The following QTMAN variants were observed in gnomAD, a reference collection of about 807,000 sequenced individuals.
The protein encoded by QTMAN is tRNA-queuosine alpha-mannosyltransferase.
At chr2:144,201,564 C>T in the QTMAN span, among the ~76,000 whole-genome samples, 1 of 152,204 alleles carries the variant, frequency 6.6e-6, no homozygotes, top group Non-Finnish European at 1.5e-5. Context: ...GATATAGGCA[C>T]TAAGCTTTCT....
chr2:144,275,298 C>T, the QTMAN span, among the ~76,000 whole-genome samples: 7 of 151,588 alleles, frequency 4.6e-5, no homozygotes, highest in African/African-American at 1.5e-4. Context: ...GCAGGGGAAT[C>T]GCTTGAACCC....
the QTMAN span, among the ~76,000 whole-genome samples, chr2:144,001,327 T>G: frequency 6.6e-6 from 1 of 151,954 alleles, no homozygotes; most frequent in Non-Finnish European, 1.5e-5. Context: ...TTCAATCTTA[T>G]GGTACATGTT....
At chr2:144,253,401 A>G in the QTMAN span, among the ~76,000 whole-genome samples, 1 of 152,168 alleles carries the variant, frequency 6.6e-6, no homozygotes, top group African/African-American at 2.4e-5. Context: ...TTGGGTAACA[A>G]GCAGAGGTTG....
the QTMAN span, among the ~76,000 whole-genome samples, chr2:144,281,408 A>AC: frequency 6.6e-6 from 1 of 151,234 alleles, no homozygotes; most frequent in African/African-American, 2.4e-5. Flanking sequence ...AAAAAAAAAA[A>AC]AAAAAAAAAA....
At chr2:144,023,490 C>G in the QTMAN span, among the ~76,000 whole-genome samples, 1 of 152,186 alleles carries the variant, frequency 6.6e-6, no homozygotes, top group Non-Finnish European at 1.5e-5. Context: ...CTCTTCTGAG[C>G]TTTAAAAAAA....
At chr2:143,995,613 G>T in the QTMAN span, among the ~76,000 whole-genome samples, 1 of 152,156 alleles carries the variant, frequency 6.6e-6, no homozygotes, top group African/African-American at 2.4e-5. Flanking sequence ...GCTGGTAACT[G>T]TGACAGCCAG....
At chr2:144,126,394 G>C in the QTMAN span, among the ~76,000 whole-genome samples, 1 of 151,826 alleles carries the variant, frequency 6.6e-6, no homozygotes, top group African/African-American at 2.4e-5. Context: ...AGCTCTCCAG[G>C]TGATTATGAT....
chr2:144,046,941 T>C, the QTMAN span, among the ~76,000 whole-genome samples: 2 of 152,338 alleles, frequency 1.3e-5, no homozygotes, highest in East Asian at 1.9e-4. Flanking sequence ...CATTAGCTAA[T>C]TGAACACTAA....
chr2:144,245,373 T>C, the QTMAN span, among the ~76,000 whole-genome samples: 1 of 152,224 alleles, frequency 6.6e-6, no homozygotes, highest in Non-Finnish European at 1.5e-5. Flanking sequence ...ATCATTCATC[T>C]TGGTGAAAAG....
At chr2:144,021,533 C>T in the QTMAN span, among the ~76,000 whole-genome samples, 2 of 151,930 alleles carry the variant, frequency 1.3e-5, no homozygotes, top group Non-Finnish European at 2.9e-5. Context: ...CAAACGGGAG[C>T]AAGAGAATTG....
the QTMAN span, chr2:143,957,322 T>G: frequency 6.3e-7 from 1 of 1,588,310 alleles, no homozygotes; most frequent in Admixed American, 1.9e-5. Context: ...AATGCCTTTT[T>G]GGCCTCTGAA....
chr2:144,139,892 C>G, the QTMAN span, among the ~76,000 whole-genome samples: 1 of 151,790 alleles, frequency 6.6e-6, no homozygotes, highest in Admixed American at 6.6e-5. Context: ...GCTTTGTTTT[C>G]AGTTAAATTC....
At chr2:144,092,143 G>A in the QTMAN span, among the ~76,000 whole-genome samples, 1 of 151,498 alleles carries the variant, frequency 6.6e-6, no homozygotes, top group African/African-American at 2.4e-5. Flanking sequence ...TTACACAGGT[G>A]TATACATACG....
the QTMAN span, among the ~76,000 whole-genome samples, chr2:144,057,161 A>G: frequency 6.6e-6 from 1 of 152,214 alleles, no homozygotes; most frequent in African/African-American, 2.4e-5. Context: ...AAAAAGATAA[A>G]ATGTGTGTAT....
At chr2:144,165,073 G>C in the QTMAN span, among the ~76,000 whole-genome samples, 973 of 152,124 alleles carry the variant, frequency 6.4e-3, 3 homozygotes, top group Middle Eastern at 0.037. Context: ...TCAAAATTAA[G>C]CAAGTTAGGG....
the QTMAN span, among the ~76,000 whole-genome samples, chr2:144,059,588 T>A: frequency 6.6e-6 from 1 of 152,224 alleles, no homozygotes; most frequent in Non-Finnish European, 1.5e-5. Context: ...TATAGACTAC[T>A]GCCAGAGCCT....
the QTMAN span, among the ~76,000 whole-genome samples, chr2:144,264,864 G>A: frequency 6.6e-6 from 1 of 152,210 alleles, no homozygotes; most frequent in Non-Finnish European, 1.5e-5. Flanking sequence ...TGGTCTTCCA[G>A]TAATGTGACT....
At chr2:144,153,535 G>A in the QTMAN span, among the ~76,000 whole-genome samples, 2 of 151,786 alleles carry the variant, frequency 1.3e-5, no homozygotes, top group East Asian at 1.9e-4. Context: ...CTAAAAATAC[G>A]AAAAAATTTG....
At chr2:144,212,982 T>C in the QTMAN span, among the ~76,000 whole-genome samples, 1 of 152,290 alleles carries the variant, frequency 6.6e-6, no homozygotes, top group South Asian at 2.1e-4. Context: ...AATGATCTAT[T>C]TAAAAATTGT....
Sources: gnomAD v4.1 joint callset for allele counts (sites outside exome capture counted in the v4.1 genomes callset) on GRCh38, gnomAD v4.1.1 for gene constraint, MANE v1.5 for transcripts, NCBI Gene and HGNC (gene_info 2026-07-23, HGNC 2026-07-21) for gene names.